RBMS3: variants seen among roughly 807,000 people sequenced by gnomAD.
RBMS3 encodes the protein RNA binding motif single stranded interacting protein 3.
Under a neutral mutation model 66.8 loss-of-function variants are expected in RBMS3, and 27 were observed. The ratio of observed to expected loss-of-function variants is 0.40; its 90% CI spans 0.30 to 0.56. The LOEUF is 0.56. Ranked by LOEUF, RBMS3 falls within the 20% of genes least tolerant of loss-of-function variation. RBMS3 has a pLI of 0.40. For synonymous variants in RBMS3, 188 were observed against 183.0 expected, an observed-to-expected ratio of 1.03 and a Z score of -0.22; for missense variants, 513 against 549.5, an observed-to-expected ratio of 0.93 and a Z score of 0.66.
At chr3:29,669,204 C>G (rs1576478542) in intron 4 of RBMS3, among the ~76,000 whole-genome samples, 1 of 152,196 alleles carries the variant, frequency 6.6e-6, no homozygotes, top group Non-Finnish European at 1.5e-5. Flanking sequence ...TAGACTTTAC[C>G]TTAAACTATA....
intron 1 of RBMS3, among the ~76,000 whole-genome samples, chr3:29,353,661 C>A (rs1052631575): frequency 6.6e-6 from 1 of 151,970 alleles, no homozygotes; most frequent in Non-Finnish European, 1.5e-5. Context: ...GATGATTTTG[C>A]TAATGTGGTT....
At chr3:29,901,844 A>G (rs900793598) in intron 10 of RBMS3, among the ~76,000 whole-genome samples, 1 of 151,822 alleles carries the variant, frequency 6.6e-6, no homozygotes, top group African/African-American at 2.4e-5. Context: ...GCTATCTTTT[A>G]GATGGAGAAA....
At chr3:29,984,925 G>A (rs761045565) in intron 12 of RBMS3, among the ~76,000 whole-genome samples, 52 of 152,284 alleles carry the variant, frequency 3.4e-4, no homozygotes, top group African/African-American at 1.1e-3. Context: ...AAGCTCAAGC[G>A]CTGTGCTGGA....
intron 1 of RBMS3, among the ~76,000 whole-genome samples, chr3:29,282,184 A>G (rs2031860002): frequency 6.6e-6 from 1 of 152,100 alleles, no homozygotes; most frequent in Non-Finnish European, 1.5e-5. Context: ...TAGGACGTGC[A>G]ACGGTGGGGG....
intron 3 of RBMS3, among the ~76,000 whole-genome samples, chr3:29,564,657 T>G (rs189965023): frequency 1.1e-4 from 16 of 152,204 alleles, no homozygotes; most frequent in South Asian, 4.2e-4. Context: ...AATATTGATA[T>G]GTATATTTTG....
chr3:29,346,994 G>GT (rs1176337382), intron 1 of RBMS3, among the ~76,000 whole-genome samples: 2 of 152,136 alleles, frequency 1.3e-5, no homozygotes, highest in East Asian at 3.9e-4. Flanking sequence ...CAGATTTCAG[G>GT]TTTTTTTCTA....
intron 2 of RBMS3, among the ~76,000 whole-genome samples, chr3:29,454,565 C>T (rs1037374739): frequency 9.2e-5 from 14 of 152,194 alleles, no homozygotes; most frequent in Non-Finnish European, 1.9e-4. Context: ...ACCAACAGGA[C>T]GCTTTCTATG....
chr3:29,820,802 C>T (rs768089238), intron 6 of RBMS3, among the ~76,000 whole-genome samples: 2 of 152,124 alleles, frequency 1.3e-5, no homozygotes, highest in Admixed American at 6.6e-5. Flanking sequence ...TCTCCCTGGG[C>T]ATGGTAGCAG....
intron 1 of RBMS3, among the ~76,000 whole-genome samples, chr3:29,389,353 A>T (rs1424817692): frequency 6.6e-6 from 1 of 152,074 alleles, no homozygotes; most frequent in Non-Finnish European, 1.5e-5. Context: ...GAAAAAGGTC[A>T]CTCTTCTGCT....
intron 7 of RBMS3, 24 bp from the exon 8 acceptor site, chr3:29,884,138 C>A (rs757457088): frequency 6.2e-7 from 1 of 1,601,878 alleles, no homozygotes; most frequent in Non-Finnish European, 8.5e-7. Context: ...GATTTGTTTT[C>A]TTCCCTCTTC....
intron 6 of RBMS3, among the ~76,000 whole-genome samples, chr3:29,764,959 C>T (rs1208553021): frequency 2.0e-5 from 3 of 151,960 alleles, no homozygotes; most frequent in Non-Finnish European, 4.4e-5. Context: ...TTAGGAGAGA[C>T]AACTGTATGC....
chr3:29,796,972 G>A (rs1036708497), intron 6 of RBMS3, among the ~76,000 whole-genome samples: 8 of 151,926 alleles, frequency 5.3e-5, no homozygotes, highest in African/African-American at 1.9e-4. Flanking sequence ...TCAGTCACCC[G>A]AAGTGCTGGG....
At chr3:29,426,485 G>A (rs1447131090) in intron 1 of RBMS3, among the ~76,000 whole-genome samples, 1 of 152,180 alleles carries the variant, frequency 6.6e-6, no homozygotes, top group Admixed American at 6.5e-5. Flanking sequence ...ATAGCACAGA[G>A]CAATGTGTGA....
chr3:29,473,167 C>G (rs981186844), intron 2 of RBMS3, among the ~76,000 whole-genome samples: 2 of 151,610 alleles, frequency 1.3e-5, no homozygotes, highest in African/African-American at 4.9e-5. Context: ...AAAGTTTCTC[C>G]AAGTCCCCAC....
At position 29,776,161 on chromosome 3, in the gene RBMS3, G is replaced by A. The variant is rs181557323; in HGVS notation, c.637+13172G>A. Among the ~76,000 whole-genome samples the A allele has an allele frequency of 9.2e-5, 14 of 152,032 alleles. No homozygotes were observed. In the East Asian group the frequency reaches 1.5e-3, roughly 17 times the overall value. Reference sequence around the variant, plus strand: ...CCTATATGATGTTAAAGAAAAGAGCGCCATTCGTCCAGCTTATGATATGCT... The same window carrying A: ...CCTATATGATGTTAAAGAAAAGAGCACCATTCGTCCAGCTTATGATATGCT... On this transcript the variant is annotated intron_variant, in intron 6 of 14. Coordinates refer to ENST00000383767, the MANE Select transcript of RBMS3 (RefSeq NM_001003793.3).
chr3:29,963,698 C>T (rs900854320), intron 12 of RBMS3, among the ~76,000 whole-genome samples: 7 of 151,824 alleles, frequency 4.6e-5, no homozygotes, highest in South Asian at 4.2e-4. Flanking sequence ...TGTGGTGGCG[C>T]GTGCTTATAA....
intron 10 of RBMS3, among the ~76,000 whole-genome samples, chr3:29,911,013 C>A (rs2060501094): frequency 6.6e-6 from 1 of 151,876 alleles, no homozygotes; most frequent in Non-Finnish European, 1.5e-5. Context: ...TGTCAGAAAA[C>A]AAATAATTCT....
At chr3:29,864,261 A>C (rs1177248035) in intron 6 of RBMS3, among the ~76,000 whole-genome samples, 1 of 152,180 alleles carries the variant, frequency 6.6e-6, no homozygotes, top group East Asian at 1.9e-4. Flanking sequence ...AGTACTAATG[A>C]TCAGAAACAA....
At chr3:29,353,108 G>T (rs1366810827) in intron 1 of RBMS3, among the ~76,000 whole-genome samples, 1 of 151,618 alleles carries the variant, frequency 6.6e-6, no homozygotes, top group Non-Finnish European at 1.5e-5. Context: ...ATATTCTTGG[G>T]TTTTGTTAGG....
Sources: allele counts gnomAD v4.1 joint callset (sites outside exome capture counted in the v4.1 genomes callset), GRCh38; gene constraint gnomAD v4.1.1; transcripts MANE v1.5; gene names NCBI Gene and HGNC (gene_info 2026-07-23, HGNC 2026-07-21).